Variants in DDX46 observed in about 807,000 individuals in gnomAD.
DDX46 encodes the protein probable ATP-dependent RNA helicase DDX46.
DDX46 carries 30 observed loss-of-function variants against 134.9 expected under a neutral mutation model. That is an observed-to-expected ratio of 0.22 (90% CI 0.17 to 0.30). DDX46 has a LOEUF of 0.30. Ranked by LOEUF, DDX46 falls within the 10% of genes least tolerant of loss-of-function variation. DDX46 has a pLI of 1.00. For synonymous variants in DDX46, 415 were observed against 404.1 expected (o/e 1.03, Z -0.32); for missense variants, 622 against 1,248.7 (o/e 0.50, Z 7.56).
intron 6 of DDX46, 60 bp downstream of exon 6, chr5:134,777,785 T>C: frequency 6.5e-7 from 1 of 1,542,460 alleles, no homozygotes; most frequent in Non-Finnish European, 8.7e-7. Context: ...GAGTTCTCCA[T>C]TGCATTGTCC....
intron 3 of DDX46, among the ~76,000 whole-genome samples, chr5:134,768,799 G>A (rs918778976): frequency 1.3e-5 from 2 of 152,110 alleles, no homozygotes; most frequent in African/African-American, 2.4e-5. Context: ...AGTGGCTCAC[G>A]CCTGTAATCC....
intron 1 of DDX46, among the ~76,000 whole-genome samples, chr5:134,761,325 A>G (rs1753379045): frequency 6.6e-6 from 1 of 152,134 alleles, no homozygotes; most frequent in Admixed American, 6.6e-5. Flanking sequence ...GTGCCCAGCC[A>G]ATTGGTGTTT....
Position 134,828,705 on chromosome 5 carries a change from A to G in DDX46, c.3098A>G (p.Ter1033TrpextTer13). Residue 1033 changes from the stop codon to tryptophan (W), a stop_lost, in exon 23 of 23, where the codon TAG (stop) becomes TGG (tryptophan). Coordinates refer to ENST00000452510, the MANE Select transcript of DDX46 (RefSeq NM_001300860.2). ...PTNKGRYKVL[*>W] ...AATAAAGGAAGATACAAAGTCTTAT[A>G]GACATCCGGAAAAAAGATTTTTACC... is the stretch of plus-strand genomic sequence containing the variant. The G allele has an allele frequency of 6.6e-7, 1 of 1,510,186 alleles. No individual in the cohort carries two copies. The highest frequency in any genetic ancestry group is 1.4e-5 in the African/African-American group (1 of 70,184). The allele number at this position is 1,510,186 out of a possible 1,614,324, so 93.5% of individuals were successfully genotyped here. A position where few individuals can be genotyped will look rare whatever the true frequency, so the allele number is the denominator to read the frequency against.
At chr5:134,815,721 A>G (rs1439673068) in intron 18 of DDX46, among the ~76,000 whole-genome samples, 1 of 150,984 alleles carries the variant, frequency 6.6e-6, no homozygotes, top group Non-Finnish European at 1.5e-5. Flanking sequence ...AAAAAAAAAA[A>G]AAAAAAAAAA....
At chr5:134,806,212 T>C (rs986246400) in intron 15 of DDX46, among the ~76,000 whole-genome samples, 6 of 142,164 alleles carry the variant, frequency 4.2e-5, no homozygotes, top group African/African-American at 1.5e-4. Flanking sequence ...ACTCCGTCTT[T>C]AAAAAAAAAA....
intron 21 of DDX46, among the ~76,000 whole-genome samples, chr5:134,822,805 G>A (rs1755492443): frequency 6.6e-6 from 1 of 151,970 alleles, no homozygotes; most frequent in South Asian, 2.1e-4. Context: ...TTGAACTCCT[G>A]GGCTCAAGTG....
intron 7 of DDX46, 72 bp from the exon 8 acceptor site, chr5:134,781,849 T>C (rs1177835142): frequency 2.1e-6 from 3 of 1,407,102 alleles, no homozygotes; most frequent in Non-Finnish European, 2.9e-6. Context: ...TTTGAAAAGC[T>C]AGGAGTATTG....
rs1708624676 is a variant in DDX46, at chr5:134,829,321, C to T, written c.*615C>T. On this transcript the variant is annotated 3_prime_UTR_variant, in exon 23 of 23. Transcript: ENST00000452510. ...ATAAGGATTTTTTTGCATTTCTTTACACTGAGTGTAAAACTCTACAAAGAG... is the reference window on the plus strand; with the variant it reads ...ATAAGGATTTTTTTGCATTTCTTTATACTGAGTGTAAAACTCTACAAAGAG... 1 of 152,130 alleles carries T rather than the reference C, an allele frequency of 6.6e-6. No homozygotes were observed. Among genetic ancestry groups the T allele is most frequent in the South Asian group, 2.1e-4 (1 of 4,830 alleles). The allele number at this position is 152,130 out of a possible 1,614,324, so 9.4% of individuals were successfully genotyped here. A position where few individuals can be genotyped will look rare whatever the true frequency, so the allele number is the denominator to read the frequency against.
intron 11 of DDX46, among the ~76,000 whole-genome samples, chr5:134,786,710 T>G (rs1754347212): frequency 6.6e-6 from 1 of 152,068 alleles, no homozygotes; most frequent in Non-Finnish European, 1.5e-5. Context: ...CCTGGCTTGG[T>G]GGCGCCTGCC....
intron 16 of DDX46, among the ~76,000 whole-genome samples, chr5:134,810,463 C>A (rs763834261): frequency 1.3e-5 from 2 of 151,514 alleles, no homozygotes; most frequent in Non-Finnish European, 2.9e-5. Flanking sequence ...CATCAGCCTC[C>A]CAAGTAGTTG....
intron 21 of DDX46, among the ~76,000 whole-genome samples, chr5:134,820,591 C>T (rs1425322468): frequency 6.6e-6 from 1 of 152,074 alleles, no homozygotes; most frequent in Non-Finnish European, 1.5e-5. Flanking sequence ...CCTCTTACTT[C>T]TTGATTGTAC....
intron 5 of DDX46, among the ~76,000 whole-genome samples, chr5:134,775,492 A>G (rs946649863): frequency 1.3e-5 from 2 of 151,254 alleles, no homozygotes; most frequent in East Asian, 3.9e-4. Flanking sequence ...GCTCACTGCA[A>G]CCTCCACCTC....
At position 134,769,415 on chromosome 5, in the gene DDX46, C is replaced by CT. The variant is rs541357596; in HGVS notation, c.351-1487dup. Among the ~76,000 whole-genome samples the CT allele has an allele frequency of 2.0e-4, 30 of 147,140 alleles. No individual in the cohort carries two copies. The South Asian group carries it at 5.3e-3, about 26-fold the overall frequency. ...GTGCAATATCAGCTCATTGCAACCT[C>CT]TGACTCCCTGGTTCAGGCTATTCTC... On this transcript the variant is annotated intron_variant, in intron 3 of 22. Transcript: ENST00000452510.
chr5:134,808,411 ATC>A (rs1161249043), intron 16 of DDX46, among the ~76,000 whole-genome samples: 1 of 152,192 alleles, frequency 6.6e-6, no homozygotes, highest in African/African-American at 2.4e-5. Context: ...AGTATTGAAT[ATC>A]TCATGTAATT....
intron 9 of DDX46, 51 bp from the exon 10 acceptor site, chr5:134,784,315 G>A: frequency 1.3e-6 from 2 of 1,548,444 alleles, no homozygotes; most frequent in Non-Finnish European, 1.7e-6. Flanking sequence ...ACCTGTCTGG[G>A]GCCCAGCAAT....
At chr5:134,795,930 T>C in intron 14 of DDX46, 58 bp from the exon 15 acceptor site, 1 of 1,481,100 alleles carries the variant, frequency 6.8e-7, no homozygotes, top group African/African-American at 1.4e-5. Context: ...AATATTTCTG[T>C]CCAGGGGATC....
At chr5:134,785,319 A>G (rs529135549) in intron 10 of DDX46, 146 bp from the exon 11 acceptor site, 17 of 944,448 alleles carry the variant, frequency 1.8e-5, no homozygotes, top group East Asian at 1.5e-4. Flanking sequence ...CTGTTATACA[A>G]CTTTTGAAAT....
intron 12 of DDX46, among the ~76,000 whole-genome samples, chr5:134,789,584 TC>T (rs1754444732): frequency 6.6e-6 from 1 of 151,378 alleles, no homozygotes; most frequent in African/African-American, 2.5e-5. Context: ...GATTAAATAA[TC>T]CCTTTTTTTT....
At chr5:134,791,897 G>A (rs1268549091) in intron 13 of DDX46, among the ~76,000 whole-genome samples, 1 of 152,348 alleles carries the variant, frequency 6.6e-6, no homozygotes, top group East Asian at 1.9e-4. Flanking sequence ...TTAGCTTTGG[G>A]CAGGGAATGG....
Sources: allele counts gnomAD v4.1 joint callset (sites outside exome capture counted in the v4.1 genomes callset), GRCh38; gene constraint gnomAD v4.1.1; transcripts MANE v1.5; gene names NCBI Gene and HGNC (gene_info 2026-07-23, HGNC 2026-07-21).